Variants in NASP observed in about 807,000 individuals in gnomAD.
The protein encoded by NASP is NASP histone chaperone.
A neutral mutation model predicts 89.5 loss-of-function variants in NASP; 24 were observed. That is an observed-to-expected ratio of 0.27 (90% CI 0.19 to 0.38). NASP has a LOEUF of 0.38. Ranked by LOEUF, NASP falls within the 10% of genes least tolerant of loss-of-function variation. NASP has a pLI of 1.00. For missense variants in NASP, 848 were observed against 921.4 expected (o/e 0.92, Z 1.03); for synonymous variants, 306 against 324.7 (o/e 0.94, Z 0.62).
intron 2 of NASP, among the ~76,000 whole-genome samples, chr1:45,595,386 T>G (rs923208968): frequency 1.3e-5 from 2 of 152,158 alleles, no homozygotes; most frequent in African/African-American, 4.8e-5. Flanking sequence ...TGATTTTCCT[T>G]TGTTTTATAT....
At chr1:45,589,012 A>G (rs1338389927) in intron 1 of NASP, 2 of 157,176 alleles carry the variant, frequency 1.3e-5, no homozygotes, top group African/African-American at 4.8e-5. Context: ...CCATTAATCT[A>G]TTCCCATTGG....
intron 3 of NASP, among the ~76,000 whole-genome samples, chr1:45,604,096 A>G (rs922226881): frequency 6.6e-6 from 1 of 152,190 alleles, no homozygotes; most frequent in South Asian, 2.1e-4. Context: ...ATTCTAATCT[A>G]GTAGACTACC....
At chr1:45,594,062 G>C (rs1336353884) in intron 2 of NASP, among the ~76,000 whole-genome samples, 3 of 151,712 alleles carry the variant, frequency 2.0e-5, no homozygotes, top group Admixed American at 6.6e-5. Context: ...AATAGGGCTA[G>C]GCGCGGTGGC....
intron 3 of NASP, 144 bp from the exon 4 acceptor site, chr1:45,604,792 G>A: frequency 1.6e-6 from 1 of 614,906 alleles, no homozygotes; most frequent in Non-Finnish European, 2.9e-6. Flanking sequence ...ATTGTTTAAT[G>A]TCACTTTGAC....
At chr1:45,612,295 G>T in intron 6 of NASP, 1 of 152,336 alleles carries the variant, frequency 6.6e-6, no homozygotes. Flanking sequence ...CCCATAGTAA[G>T]AGTGTTTGGA....
rs369217154 is a variant in NASP at position 45,605,039 on chromosome 1, CTG to C, written c.299+24_299+25del. On this transcript the variant is annotated intron_variant, in intron 4 of 14. Coordinates refer to ENST00000350030, the MANE Select transcript of NASP (RefSeq NM_002482.4). ...AAGGTATGGATGTTGTATTTAAAAA[CTG>C]AAGTTTCCTTGTTAAGATTGTTTAC... The C allele has an allele frequency of 2.4e-5, 37 of 1,538,764 alleles. No individual in the cohort carries two copies. The African/African-American group carries it at 4.0e-4, about 16-fold the overall frequency.
At chr1:45,601,014 CT>C (rs1352220693) in intron 2 of NASP, among the ~76,000 whole-genome samples, 5 of 152,116 alleles carry the variant, frequency 3.3e-5, no homozygotes, top group Non-Finnish European at 7.4e-5. Context: ...CTTTCGCCCC[CT>C]TTTTATTGGA....
chr1:45,591,758 G>A (rs779875142), intron 2 of NASP, among the ~76,000 whole-genome samples: 27 of 152,134 alleles, frequency 1.8e-4, no homozygotes, highest in Non-Finnish European at 3.8e-4. Context: ...AATCAGAGGT[G>A]GGCATAATAA....
At chr1:45,600,876 ATT>A (rs1468554768) in intron 2 of NASP, among the ~76,000 whole-genome samples, 1 of 152,174 alleles carries the variant, frequency 6.6e-6, no homozygotes, top group Non-Finnish European at 1.5e-5. Context: ...AATTTTAGCT[ATT>A]ATAGTGAATA....
intron 6 of NASP, chr1:45,610,393 TA>T (rs1643986942): frequency 6.6e-6 from 1 of 152,186 alleles, no homozygotes; most frequent in Admixed American, 6.5e-5. Context: ...AGTCACACAG[TA>T]AGGAGAAGCC....
intron 2 of NASP, among the ~76,000 whole-genome samples, chr1:45,598,587 C>T (rs1277372267): frequency 6.6e-6 from 1 of 152,140 alleles, no homozygotes; most frequent in Non-Finnish European, 1.5e-5. Context: ...CTTTAAGTAC[C>T]TGACTCTCCC....
intron 1 of NASP, among the ~76,000 whole-genome samples, chr1:45,586,288 T>TGTG (rs1557646559): frequency 5.2e-5 from 5 of 95,780 alleles, no homozygotes; most frequent in African/African-American, 2.0e-4. Context: ...GTGTGTGGTG[T>TGTG]GTGTGTGTGT....
intron 11 of NASP, 59 bp downstream of exon 11, chr1:45,615,530 A>G (rs1644091000): frequency 1.3e-6 from 2 of 1,506,782 alleles, no homozygotes; most frequent in African/African-American, 2.8e-5. Flanking sequence ...TTAATGTTCT[A>G]TTTGCCAGGA....
chr1:45,618,038 C>T (rs760830373), intron 14 of NASP, 23 bp from the exon 15 acceptor site: 20 of 1,583,874 alleles, frequency 1.3e-5, no homozygotes, highest in East Asian at 2.3e-5. Context: ...CTCACTCATG[C>T]CCAGGTTCTG....
At chr1:45,610,611 C>T (rs1347641821) in intron 6 of NASP, 5 of 152,176 alleles carry the variant, frequency 3.3e-5, no homozygotes, top group Non-Finnish European at 5.9e-5. Flanking sequence ...TGTTCTTTTT[C>T]TCTTTGAATC....
chr1:45,605,441 C>A (rs1643895107), intron 4 of NASP, among the ~76,000 whole-genome samples: 1 of 151,666 alleles, frequency 6.6e-6, no homozygotes, highest in South Asian at 2.1e-4. Flanking sequence ...CAAATGATGT[C>A]ATCTATTTAA....
chr1:45,589,258 G>C (rs759190864), intron 1 of NASP, among the ~76,000 whole-genome samples: 1 of 152,120 alleles, frequency 6.6e-6, no homozygotes, highest in Non-Finnish European at 1.5e-5. Context: ...CTCTGGAGTA[G>C]CTGGGACTAC....
intron 14 of NASP, 64 bp downstream of exon 14, chr1:45,617,655 A>C: frequency 4.7e-6 from 7 of 1,499,702 alleles, no homozygotes; most frequent in Non-Finnish European, 5.3e-6. Flanking sequence ...TGGGGAAATC[A>C]GTCCTCTCAA....
rs570347949 is a variant in NASP at position 45,593,962 on chromosome 1, G to A, written c.107+2692G>A. ...GAGGATTGCGGAAGCCCAGGAAGTC[G>A]AGGTGGTGGTGAGCTATGATCCTGC... On this transcript the variant is annotated intron_variant, in intron 2 of 14. Coordinates refer to ENST00000350030, the MANE Select transcript of NASP (RefSeq NM_002482.4). 1.5e-4 allele frequency among the ~76,000 whole-genome samples: 23 copies of A among 151,880 alleles called. No homozygotes were observed. The South Asian group carries it at 4.8e-3, about 32-fold the overall frequency.
Sources: gnomAD v4.1 joint callset for allele counts (sites outside exome capture counted in the v4.1 genomes callset) on GRCh38, gnomAD v4.1.1 for gene constraint, MANE v1.5 for transcripts, NCBI Gene and HGNC (gene_info 2026-07-23, HGNC 2026-07-21) for gene names.